ANKFN1: variants seen among roughly 807,000 people sequenced by gnomAD.
ANKFN1 encodes the protein ankyrin repeat and fibronectin type-III domain-containing protein 1.
A neutral mutation model predicts 108.7 loss-of-function variants in ANKFN1; 74 were observed. That is an observed-to-expected ratio of 0.68 (90% CI 0.56 to 0.83). ANKFN1 has a LOEUF of 0.83. Ranked by LOEUF, ANKFN1 falls within the 40% of genes least tolerant of loss-of-function variation. The pLI, the probability that ANKFN1 is intolerant of heterozygous loss-of-function variation, is 0.00. For synonymous variants in ANKFN1, 547 were observed against 516.2 expected, an observed-to-expected ratio of 1.06 and a Z score of -0.81; for missense variants, 1,505 against 1,382.3, an observed-to-expected ratio of 1.09 and a Z score of -1.41.
intron 6 of ANKFN1, among the ~76,000 whole-genome samples, chr17:56,370,344 G>T (rs1269877476): frequency 6.6e-6 from 1 of 152,188 alleles, no homozygotes; most frequent in Non-Finnish European, 1.5e-5. Context: ...CAGAAAAATT[G>T]TCAGAAGGAG....
chr17:56,488,693 C>T (rs2050933467), intron 18 of ANKFN1, among the ~76,000 whole-genome samples: 1 of 152,232 alleles, frequency 6.6e-6, no homozygotes, highest in Non-Finnish European at 1.5e-5. Flanking sequence ...CCAGTTCTTT[C>T]TGACACCTTG....
chr17:56,232,595 A>G (rs1916820675), intron 3 of ANKFN1, among the ~76,000 whole-genome samples: 1 of 152,166 alleles, frequency 6.6e-6, no homozygotes. Flanking sequence ...ATCCTTTGTC[A>G]GTTTGATCTG....
chr17:56,481,900 A>G (rs2050718082), intron 17 of ANKFN1, among the ~76,000 whole-genome samples: 1 of 152,026 alleles, frequency 6.6e-6, no homozygotes, highest in South Asian at 2.1e-4. Context: ...CTTGGGCTAC[A>G]TATACATGTT....
At chr17:56,449,001 T>C (rs2049390598) in intron 10 of ANKFN1, 78 bp from the exon 11 acceptor site, 1 of 1,269,460 alleles carries the variant, frequency 7.9e-7, no homozygotes, top group African/African-American at 1.5e-5. Context: ...TGAGCAAAAC[T>C]CCGGCTCCTG....
chr17:56,356,264 AT>A (rs924403403), intron 6 of ANKFN1, among the ~76,000 whole-genome samples: 1 of 152,136 alleles, frequency 6.6e-6, no homozygotes, highest in Non-Finnish European at 1.5e-5. Flanking sequence ...AGGCACTCAC[AT>A]TCCCCTTAGT....
At chr17:56,182,327 C>T (rs2143634192) in intron 1 of ANKFN1, among the ~76,000 whole-genome samples, 1 of 152,230 alleles carries the variant, frequency 6.6e-6, no homozygotes, top group East Asian at 1.9e-4. Context: ...GTTGTAAATT[C>T]AAAGGGAAAA....
intron 3 of ANKFN1, among the ~76,000 whole-genome samples, chr17:56,273,649 G>T (rs1384102539): frequency 2.0e-5 from 3 of 151,658 alleles, no homozygotes; most frequent in Admixed American, 1.3e-4. Flanking sequence ...TTACTGAAAG[G>T]AAATAAAAAA....
intron 16 of ANKFN1, among the ~76,000 whole-genome samples, chr17:56,480,408 C>A (rs1043067432): frequency 6.6e-6 from 1 of 152,026 alleles, no homozygotes; most frequent in Non-Finnish European, 1.5e-5. Context: ...TTTGAGAACC[C>A]CAATCTCAAA....
intron 4 of ANKFN1, among the ~76,000 whole-genome samples, chr17:56,053,961 G>A (rs1444123605): frequency 6.6e-6 from 1 of 152,172 alleles, no homozygotes; most frequent in Non-Finnish European, 1.5e-5. Flanking sequence ...TCCAAGTAAT[G>A]TACGTTGTAC....
intron 8 of ANKFN1, among the ~76,000 whole-genome samples, chr17:56,419,710 G>T (rs1241981810): frequency 6.6e-6 from 1 of 150,608 alleles, no homozygotes; most frequent in Non-Finnish European, 1.5e-5. Context: ...AGCTACTCAA[G>T]AGGCCTAGTT....
intron 3 of ANKFN1, among the ~76,000 whole-genome samples, chr17:56,311,133 T>C (rs914344897): frequency 1.3e-5 from 2 of 150,958 alleles, no homozygotes; most frequent in African/African-American, 2.4e-5. Context: ...ATAATATTTC[T>C]CTCTCTCTCT....
Position 56,422,504 on chromosome 17 carries a change from C to T in ANKFN1, c.911-17823C>T, listed in dbSNP as rs532794745. 2.3e-4 allele frequency among the ~76,000 whole-genome samples: 35 copies of T among 152,082 alleles called. No homozygotes were observed. In the South Asian group the frequency reaches 3.1e-3, roughly 14 times the overall value. ...GCACACACGCACATACACACACACA[C>T]GCATGCACGCACACACTTCAACTAC... is the stretch of plus-strand genomic sequence containing the variant. On this transcript the variant is annotated intron_variant, in intron 8 of 20. Coordinates refer to ENST00000682825, the MANE Select transcript of ANKFN1 (RefSeq NM_001370326.1).
chr17:56,244,927 G>T (rs1271147475), intron 3 of ANKFN1, among the ~76,000 whole-genome samples: 3 of 152,030 alleles, frequency 2.0e-5, no homozygotes, highest in African/African-American at 7.2e-5. Context: ...CTTAGTCTTT[G>T]TAATTAAGGT....
chr17:56,127,409 G>A (rs976814955), intron 4 of ANKFN1, among the ~76,000 whole-genome samples: 1 of 152,078 alleles, frequency 6.6e-6, no homozygotes, highest in African/African-American at 2.4e-5. Context: ...CACCTCCCAG[G>A]TTCAAGCTAT....
chr17:56,339,812 A>G (rs1336592300), intron 4 of ANKFN1, among the ~76,000 whole-genome samples: 1 of 152,118 alleles, frequency 6.6e-6, no homozygotes, highest in Non-Finnish European at 1.5e-5. Flanking sequence ...TCCTTTGGGT[A>G]TATACACAGT....
chr17:56,500,519 A>G (rs1232866792), intron 20 of ANKFN1, among the ~76,000 whole-genome samples: 2 of 152,236 alleles, frequency 1.3e-5, no homozygotes, highest in Admixed American at 6.5e-5. Flanking sequence ...TATATTAACA[A>G]AAAATTACCT....
intron 3 of ANKFN1, among the ~76,000 whole-genome samples, chr17:56,325,831 C>G (rs550344296): frequency 1.4e-3 from 211 of 152,296 alleles, no homozygotes; most frequent in Non-Finnish European, 2.2e-3. Context: ...CTCTTGGATG[C>G]CAGACAATAT....
chr17:56,383,061 T>C (rs1416599784), intron 8 of ANKFN1, among the ~76,000 whole-genome samples: 2 of 152,140 alleles, frequency 1.3e-5, no homozygotes, highest in Admixed American at 6.5e-5. Context: ...TATTCCAAAA[T>C]TGACCACATA....
Position 56,512,884 on chromosome 17 carries a change from A to G in ANKFN1, c.*1615A>G, listed in dbSNP as rs1187147919. On this transcript the variant is annotated 3_prime_UTR_variant, in exon 21 of 21. Coordinates refer to ENST00000682825, the MANE Select transcript of ANKFN1 (RefSeq NM_001370326.1). ...CCCAGAGCTCAGACTTTATTTTTTT[A>G]AGAGATTTTATACTCAATGAAACCC... is the stretch of plus-strand genomic sequence containing the variant. Among the ~76,000 whole-genome samples the G allele has an allele frequency of 1.3e-5, 2 of 152,230 alleles. No individual in the cohort carries two copies. Among genetic ancestry groups the G allele is most frequent in the African/African-American group, 2.4e-5 (1 of 41,464 alleles).
Sources: allele counts gnomAD v4.1 joint callset (sites outside exome capture counted in the v4.1 genomes callset), GRCh38; gene constraint gnomAD v4.1.1; transcripts MANE v1.5; gene names NCBI Gene and HGNC (gene_info 2026-07-23, HGNC 2026-07-21).